The following SPECC1 variants were observed in gnomAD, a reference collection of about 807,000 sequenced individuals.
SPECC1 encodes the protein cytospin-B.
SPECC1 carries 62 observed loss-of-function variants against 104.1 expected under a neutral mutation model. The observed-to-expected ratio is 0.60, with a 90% CI of 0.49 to 0.74. SPECC1 has a LOEUF of 0.74. Among genes scored for constraint, SPECC1 ranks in the 30% least tolerant of loss-of-function variants. SPECC1 has a pLI of 0.00. For missense variants in SPECC1, 1,306 were observed against 1,310.5 expected (o/e 1.00, Z 0.05); for synonymous variants, 513 against 501.6 (o/e 1.02, Z -0.30).
chr17:20,232,250 G>A lies in SPECC1; in HGVS notation c.2196G>A (p.Val732=), dbSNP rs1434081253. ...RRFQADLQTA[V]VVANDIKCEA... ...TCCAGGCGGATCTGCAGACCGCAGT[G>A]GTGGTGGCCAATGACATCAAGTGTG... Residue 732 remains valine (V), a synonymous_variant, in exon 7 of 15, where the codon GTG becomes GTA. Coordinates refer to ENST00000395527, the MANE Select transcript of SPECC1 (RefSeq NM_001243439.2). 10 of 1,614,088 alleles carry A rather than the reference G, an allele frequency of 6.2e-6. 1 individual carries two copies. In the Admixed American group the frequency reaches 1.3e-4, roughly 22 times the overall value.
intron 3 of SPECC1, among the ~76,000 whole-genome samples, chr17:20,146,504 T>C (rs181736082): frequency 6.6e-6 from 1 of 152,382 alleles, no homozygotes; most frequent in East Asian, 1.9e-4. Flanking sequence ...ATAAAACTGC[T>C]ATAAACATTC....
At chr17:20,187,937 A>G (rs1227190525) in intron 3 of SPECC1, among the ~76,000 whole-genome samples, 1 of 152,294 alleles carries the variant, frequency 6.6e-6, no homozygotes, top group East Asian at 1.9e-4. Context: ...GAGGCAATAA[A>G]TTTGTTCTTT....
chr17:20,016,948 C>T (rs1406503970), intron 1 of SPECC1, among the ~76,000 whole-genome samples: 1 of 152,224 alleles, frequency 6.6e-6, no homozygotes, highest in Non-Finnish European at 1.5e-5. Context: ...ATACACCAGT[C>T]AGCACCCTGT....
intron 12 of SPECC1, among the ~76,000 whole-genome samples, chr17:20,272,959 G>A (rs995048877): frequency 1.3e-5 from 2 of 152,154 alleles, no homozygotes; most frequent in Non-Finnish European, 1.5e-5. Flanking sequence ...TCTTTATGCT[G>A]GAGGTTTGAC....
chr17:20,152,025 G>A (rs919263335), intron 3 of SPECC1, among the ~76,000 whole-genome samples: 1 of 151,932 alleles, frequency 6.6e-6, no homozygotes, highest in East Asian at 1.9e-4. Flanking sequence ...CCCCAGCTGG[G>A]CCTGGTGGCT....
intron 3 of SPECC1, among the ~76,000 whole-genome samples, chr17:20,191,334 C>T (rs1158314737): frequency 2.0e-5 from 3 of 152,134 alleles, no homozygotes; most frequent in Non-Finnish European, 4.4e-5. Flanking sequence ...AATTATTTTG[C>T]GTTCCTACCA....
At chr17:20,260,764 TA>T (rs2151596006) in intron 12 of SPECC1, among the ~76,000 whole-genome samples, 1 of 152,312 alleles carries the variant, frequency 6.6e-6, no homozygotes, top group East Asian at 1.9e-4. Flanking sequence ...GGGATTTTTT[TA>T]TTAAGCAAAG....
Position 20,275,352 on chromosome 17 carries a change from A to G in SPECC1, c.2940+15058A>G, listed in dbSNP as rs1031447330. Among the ~76,000 whole-genome samples the G allele has an allele frequency of 3.9e-5, 6 of 152,176 alleles. No homozygotes were observed. The East Asian group carries it at 9.6e-4, about 24-fold the overall frequency. On this transcript the variant is annotated intron_variant, in intron 12 of 14. Transcript: ENST00000395527. ...TTGGTATAAATGAAGTTTTGTCTCA[A>G]TAAGGCCTGTTTTTGTTTTTGTTAT...
At chr17:20,097,236 TC>T (rs1485372305) in intron 2 of SPECC1, among the ~76,000 whole-genome samples, 1 of 152,026 alleles carries the variant, frequency 6.6e-6, no homozygotes, top group Non-Finnish European at 1.5e-5. Flanking sequence ...GGTTTTCTCC[TC>T]CCCCCATCCC....
chr17:20,292,792 T>C (rs2041217104), intron 12 of SPECC1, among the ~76,000 whole-genome samples: 1 of 152,202 alleles, frequency 6.6e-6, no homozygotes, highest in South Asian at 2.1e-4. Flanking sequence ...GTAATGCTGG[T>C]GTGCTTAGCG....
chr17:20,240,940 G>C (rs988148590), intron 7 of SPECC1, among the ~76,000 whole-genome samples: 1 of 152,220 alleles, frequency 6.6e-6, no homozygotes, highest in Admixed American at 6.5e-5. Context: ...ATTATGAACT[G>C]TTTGCATCGA....
chr17:20,253,041 G>GTTT (rs374086016), intron 9 of SPECC1, among the ~76,000 whole-genome samples: 22 of 145,834 alleles, frequency 1.5e-4, no homozygotes, highest in African/African-American at 5.5e-4. Context: ...TTCTTTTTCA[G>GTTT]TTTTTTTTTT....
intron 3 of SPECC1, among the ~76,000 whole-genome samples, chr17:20,179,313 C>T (rs942205972): frequency 2.6e-5 from 4 of 152,278 alleles, no homozygotes; most frequent in Non-Finnish European, 1.5e-5. Context: ...GCCTTGGCCA[C>T]TGCTTTCTGG....
At chr17:20,093,889 T>C (rs2047523508) in intron 1 of SPECC1, among the ~76,000 whole-genome samples, 1 of 151,726 alleles carries the variant, frequency 6.6e-6, no homozygotes, top group South Asian at 2.1e-4. Context: ...TGTCACCACG[T>C]CCCCCTAATT....
At chr17:20,096,923 G>C in intron 2 of SPECC1, 125 bp downstream of exon 2, 5 of 1,225,288 alleles carry the variant, frequency 4.1e-6, no homozygotes, top group Non-Finnish European at 3.4e-6. Flanking sequence ...AGGAGGGGTC[G>C]CAGGAGGACC....
At chr17:20,031,985 C>T (rs1033950753) in intron 1 of SPECC1, among the ~76,000 whole-genome samples, 3 of 152,096 alleles carry the variant, frequency 2.0e-5, no homozygotes, top group Non-Finnish European at 4.4e-5. Context: ...TCTTCAAGAC[C>T]CTGGTTTCAA....
At chr17:20,161,673 A>T (rs1056622539) in intron 3 of SPECC1, among the ~76,000 whole-genome samples, 3 of 151,854 alleles carry the variant, frequency 2.0e-5, no homozygotes, top group African/African-American at 4.9e-5. Flanking sequence ...TTTAAAATTA[A>T]TATGCTTTTA....
At chr17:20,284,056 A>G (rs1367917277) in intron 12 of SPECC1, among the ~76,000 whole-genome samples, 3 of 152,138 alleles carry the variant, frequency 2.0e-5, no homozygotes, top group African/African-American at 7.2e-5. Flanking sequence ...CCAGGATTAT[A>G]AGCCTATTCT....
intron 12 of SPECC1, among the ~76,000 whole-genome samples, chr17:20,277,978 AT>A (rs931047394): frequency 6.6e-5 from 10 of 150,810 alleles, no homozygotes; most frequent in South Asian, 2.2e-4. Flanking sequence ...AGGAGTTGTG[AT>A]TTTTCCTTGT....
Sources: allele counts gnomAD v4.1 joint callset (sites outside exome capture counted in the v4.1 genomes callset), GRCh38; gene constraint gnomAD v4.1.1; transcripts MANE v1.5; gene names NCBI Gene and HGNC (gene_info 2026-07-23, HGNC 2026-07-21).